The following NR2C2 variants were observed in gnomAD, a reference collection of about 807,000 sequenced individuals.
NR2C2 encodes Nuclear hormone receptor TR4.
Under a neutral mutation model 62.9 loss-of-function variants are expected in NR2C2, and 6 were observed. That is an observed-to-expected ratio of 0.10 (90% CI 0.05 to 0.19). The LOEUF (loss-of-function observed/expected upper bound fraction) is 0.19, where lower values mean the gene tolerates loss of function less well. NR2C2 is among the 10% of genes least tolerant of loss of function. The pLI is 1.00. For missense variants in NR2C2, 479 were observed against 762.7 expected, an observed-to-expected ratio of 0.63 and a Z score of 4.38; for synonymous variants, 272 against 273.8, an observed-to-expected ratio of 0.99 and a Z score of 0.07.
chr3:15,028,641 C>G lies in NR2C2; in HGVS notation c.854C>G (p.Ala285Gly). The G allele has an allele frequency of 6.2e-7, 1 of 1,614,090 alleles. No homozygotes were observed. Among genetic ancestry groups the G allele is most frequent in the Non-Finnish European group, 8.5e-7 (1 of 1,179,964 alleles). Residue 285 changes from alanine to glycine, a missense_variant, in exon 8 of 14, where the codon GCC becomes GGC. Physicochemically the swap from Ala to Gly is moderately conservative, Grantham distance 60. Coordinates refer to ENST00000425241, the MANE Select transcript of NR2C2 (RefSeq NM_001291694.2). ...CTGGCAAATGTAGTGACCTCCCTTGCCAACCTAAGTGAATCTTTGAACAAC... is the reference window on the plus strand; with the variant it reads ...CTGGCAAATGTAGTGACCTCCCTTGGCAACCTAAGTGAATCTTTGAACAAC... ...GTLANVVTSLANLSESLNNGD... is the reference protein window; with the variant it reads ...GTLANVVTSLGNLSESLNNGD...
chr3:15,009,690 G>A (rs1204918235), intron 2 of NR2C2, among the ~76,000 whole-genome samples: 1 of 152,276 alleles, frequency 6.6e-6, no homozygotes, highest in African/African-American at 2.4e-5. Context: ...TTTGCCTCTT[G>A]TATTAGTTTC....
At chr3:15,030,062 C>T (rs1011098020) in intron 8 of NR2C2, among the ~76,000 whole-genome samples, 5 of 152,148 alleles carry the variant, frequency 3.3e-5, no homozygotes, top group South Asian at 2.1e-4. Context: ...CAGTGGCTCA[C>T]GTGTGTAATC....
intron 1 of NR2C2, among the ~76,000 whole-genome samples, chr3:14,975,449 T>C (rs550683325): frequency 1.3e-5 from 2 of 152,332 alleles, no homozygotes; most frequent in East Asian, 3.9e-4. Context: ...TGTCAAGTGC[T>C]TTTTTCCATC....
chr3:15,033,811 C>T (rs544912255), intron 10 of NR2C2, among the ~76,000 whole-genome samples: 1 of 152,058 alleles, frequency 6.6e-6, no homozygotes, highest in Non-Finnish European at 1.5e-5. Context: ...TCAGTCCGGG[C>T]TAGATAAAAT....
intron 1 of NR2C2, among the ~76,000 whole-genome samples, chr3:14,977,891 G>A (rs944183991): frequency 1.5e-4 from 23 of 151,282 alleles, no homozygotes; most frequent in African/African-American, 5.3e-4. Context: ...CTTGAACCCG[G>A]GAGGCTGAGA....
At chr3:15,035,996 G>A (rs1376213667) in intron 11 of NR2C2, among the ~76,000 whole-genome samples, 1 of 152,070 alleles carries the variant, frequency 6.6e-6, no homozygotes, top group Non-Finnish European at 1.5e-5. Flanking sequence ...CCACTGCACT[G>A]CAGCCTGGGC....
rs2040810388 is a variant in NR2C2 at position 14,995,606 on chromosome 3, G to A, written c.-39-8270G>A. 2.0e-5 allele frequency among the ~76,000 whole-genome samples: 3 copies of A among 151,466 alleles called. No homozygotes were observed. In the South Asian group the frequency reaches 6.3e-4, roughly 32 times the overall value. ...ATGGACTTGGGCGTTTTTACTTTTT[G>A]GCTATTAGGAATAATGCTGTGAACA... On this transcript the variant is annotated intron_variant, in intron 1 of 13. Transcript: ENST00000425241.
rs373834430 is a variant in NR2C2, at chr3:15,032,414, C to T, written c.1146C>T (p.Asn382=). The T allele has an allele frequency of 1.0e-4, 167 of 1,614,110 alleles. No homozygotes were observed. The highest frequency in any genetic ancestry group is 1.3e-4 in the Non-Finnish European group (158 of 1,180,028). ...CCAGTCCAATGCCAGAGTACCTCAA[C>T]GTGCACTACATCTGTGAGTCTGCAT... ...TMPSPMPEYL[N]VHYICESASR... The change falls in exon 10 of 14, where the codon AAC becomes AAT. Residue 382 remains asparagine (N), a synonymous_variant. Transcript: ENST00000425241.
At chr3:14,948,572 GAGTGGGGCCGGGTC>G (rs1322360368) in intron 1 of NR2C2, 1 of 150,716 alleles carries the variant, frequency 6.6e-6, no homozygotes, top group African/African-American at 2.4e-5. Flanking sequence ...CCGGGGCGAA[GAGTGGGGCCGGGTC>G]GGCGGGGGCG....
intron 1 of NR2C2, among the ~76,000 whole-genome samples, chr3:14,974,562 C>T (rs943008081): frequency 1.3e-5 from 2 of 150,858 alleles, no homozygotes; most frequent in African/African-American, 2.4e-5. Flanking sequence ...TAATTTCTTT[C>T]CATGGTGTTT....
intron 1 of NR2C2, among the ~76,000 whole-genome samples, chr3:14,994,548 T>A (rs1298303954): frequency 6.8e-6 from 1 of 146,984 alleles, no homozygotes; most frequent in East Asian, 2.0e-4. Context: ...GTTTAAGCGA[T>A]TCTTCTGCCT....
chr3:15,006,676 C>G (rs2041181518), intron 2 of NR2C2, among the ~76,000 whole-genome samples: 1 of 152,176 alleles, frequency 6.6e-6, no homozygotes. Flanking sequence ...ATAGCAGTTC[C>G]CAAGAAACTG....
chr3:14,948,135 G>C (rs948506673), intron 1 of NR2C2: 11 of 152,066 alleles, frequency 7.2e-5, no homozygotes, highest in Non-Finnish European at 1.6e-4. Flanking sequence ...CCCGGCCGGC[G>C]CAAGGGTGGG....
At position 15,040,100 on chromosome 3, in the gene NR2C2, CAGTGAGCTG is replaced by C. The variant is rs555206114; in HGVS notation, c.1616+876_1616+884del. Among the ~76,000 whole-genome samples, 330 of 151,530 alleles carry C rather than the reference CAGTGAGCTG, an allele frequency of 2.2e-3. 1 individual carries two copies. The highest frequency in any genetic ancestry group is 3.1e-3 in the Non-Finnish European group (211 of 67,948). The stretch of plus-strand genomic sequence containing the variant: ...AACCTGGTAGGGTGGGCAGAGGTTG[CAGTGAGCTG>C]AGATCACGCCACTGCACTCCAGCCT... On this transcript the variant is annotated intron_variant, in intron 13 of 13. Coordinates refer to ENST00000425241, the MANE Select transcript of NR2C2 (RefSeq NM_001291694.2).
At chr3:15,010,309 G>T (rs2041313043) in intron 2 of NR2C2, among the ~76,000 whole-genome samples, 1 of 151,070 alleles carries the variant, frequency 6.6e-6, no homozygotes, top group Non-Finnish European at 1.5e-5. Context: ...TCATGGGCGT[G>T]ATCTCTCTAA....
At chr3:15,032,336 GTCCT>G in intron 9 of NR2C2, 39 bp from the exon 10 acceptor site, 5 of 1,613,386 alleles carry the variant, frequency 3.1e-6, no homozygotes, top group Non-Finnish European at 4.2e-6. Context: ...GCCATCCCCT[GTCCT>G]TCCTTCACCT....
intron 1 of NR2C2, among the ~76,000 whole-genome samples, chr3:15,000,483 T>A (rs974372338): frequency 2.0e-5 from 3 of 152,160 alleles, no homozygotes; most frequent in African/African-American, 7.2e-5. Flanking sequence ...AACATGGGAG[T>A]GCAGACATCT....
At chr3:14,972,865 C>G (rs1361790262) in intron 1 of NR2C2, among the ~76,000 whole-genome samples, 7 of 152,080 alleles carry the variant, frequency 4.6e-5, no homozygotes. Flanking sequence ...TTTAAACAAC[C>G]AGATCTCATG....
chr3:14,980,621 G>A lies in NR2C2; in HGVS notation c.-39-23255G>A, dbSNP rs190946700. On this transcript the variant is annotated intron_variant, in intron 1 of 13. Coordinates refer to ENST00000425241, the MANE Select transcript of NR2C2 (RefSeq NM_001291694.2). ...CAGAGAACTAACAAAAATAATAACA[G>A]TCCTAATAAAAATACTAGTTAAATA... 1.7e-4 allele frequency among the ~76,000 whole-genome samples: 26 copies of A among 152,246 alleles called. 1 individual carries two copies. Among genetic ancestry groups the A allele is most frequent in the Non-Finnish European group, 2.9e-5 (2 of 68,014 alleles).
Sources: allele counts gnomAD v4.1 joint callset (sites outside exome capture counted in the v4.1 genomes callset), GRCh38; gene constraint gnomAD v4.1.1; transcripts MANE v1.5; gene names NCBI Gene and HGNC (gene_info 2026-07-23, HGNC 2026-07-21).